Variants in C7orf78 observed in about 807,000 individuals in gnomAD.
The protein encoded by C7orf78 is putative uncharacterized protein C7orf78.
chr7:12,513,535 T>A, the C7orf78 span, among the ~76,000 whole-genome samples: 1 of 152,214 alleles, frequency 6.6e-6, no homozygotes, highest in Admixed American at 6.5e-5. Context: ...TTTTGTTTAG[T>A]TTCCATGTAT....
chr7:12,510,414 T>C, the C7orf78 span, among the ~76,000 whole-genome samples: 1 of 152,182 alleles, frequency 6.6e-6, no homozygotes, highest in Non-Finnish European at 1.5e-5. Context: ...CAAACTTCTT[T>C]TCCTTTGGAA....
the C7orf78 span, among the ~76,000 whole-genome samples, chr7:12,537,712 T>G: frequency 6.6e-6 from 1 of 152,268 alleles, no homozygotes; most frequent in South Asian, 2.1e-4. Flanking sequence ...GTGATAACCT[T>G]TACATTAGAG....
the C7orf78 span, among the ~76,000 whole-genome samples, chr7:12,520,941 T>C: frequency 4.6e-5 from 7 of 152,316 alleles, no homozygotes; most frequent in Admixed American, 1.3e-4. Flanking sequence ...TCTTCTTCCT[T>C]AATATACTTC....
the C7orf78 span, among the ~76,000 whole-genome samples, chr7:12,503,095 A>C: frequency 1.8e-5 from 2 of 108,820 alleles, no homozygotes; most frequent in South Asian, 6.1e-4. Context: ...GGGTGGGGGT[A>C]GGGGGGAGGG....
At chr7:12,530,794 A>C in the C7orf78 span, among the ~76,000 whole-genome samples, 1 of 152,190 alleles carries the variant, frequency 6.6e-6, no homozygotes, top group Non-Finnish European at 1.5e-5. Flanking sequence ...TTGTAGAAAA[A>C]AATGTTGAGA....
chr7:12,537,583 A>T, the C7orf78 span, among the ~76,000 whole-genome samples: 2 of 152,228 alleles, frequency 1.3e-5, no homozygotes, highest in African/African-American at 4.8e-5. Context: ...TTGGATGTAT[A>T]CATACATATA....
chr7:12,533,641 A>G, the C7orf78 span, among the ~76,000 whole-genome samples: 2 of 150,368 alleles, frequency 1.3e-5, no homozygotes, highest in Admixed American at 1.3e-4. Context: ...CTCAGCCTCC[A>G]GAGTAGCTGG....
the C7orf78 span, among the ~76,000 whole-genome samples, chr7:12,534,978 G>GGAAGGAAA: frequency 1.6e-4 from 1 of 6,246 alleles, no homozygotes; most frequent in African/African-American, 6.7e-4. Context: ...AAGGAAGGAG[G>GGAAGGAAA]GAAGGAAGGA....
the C7orf78 span, among the ~76,000 whole-genome samples, chr7:12,509,958 C>G: frequency 0.17 from 26,192 of 150,322 alleles, 2,829 homozygotes; most frequent in African/African-American, 0.3. Context: ...CACTTGAACC[C>G]GGGAGGCAGA....
At chr7:12,536,623 T>G in the C7orf78 span, among the ~76,000 whole-genome samples, 2 of 152,196 alleles carry the variant, frequency 1.3e-5, no homozygotes, top group Non-Finnish European at 1.5e-5. Context: ...AACGCTTTTT[T>G]TCTTTTCTAT....
chr7:12,483,571 A>T, the C7orf78 span: 2 of 152,108 alleles, frequency 1.3e-5, no homozygotes. Flanking sequence ...CAAATCTTTC[A>T]TTCTGAGAAT....
the C7orf78 span, among the ~76,000 whole-genome samples, chr7:12,534,559 A>G: frequency 6.6e-6 from 1 of 152,322 alleles, no homozygotes; most frequent in East Asian, 1.9e-4. Flanking sequence ...CAGAGAGCTT[A>G]GAGAAAATAT....
the C7orf78 span, chr7:12,528,928 G>A: frequency 2.5e-6 from 1 of 398,436 alleles, no homozygotes; most frequent in African/African-American, 2.1e-5. Context: ...ACCGAAAGAT[G>A]ATAAACAGAA....
At chr7:12,531,241 A>C in the C7orf78 span, 10 of 392,870 alleles carry the variant, frequency 2.5e-5, no homozygotes, top group East Asian at 3.6e-4. Flanking sequence ...ATGGTGCTTA[A>C]CTGTTTTAAG....
At chr7:12,522,040 T>C in the C7orf78 span, among the ~76,000 whole-genome samples, 1 of 152,106 alleles carries the variant, frequency 6.6e-6, no homozygotes, top group Admixed American at 6.5e-5. Context: ...TTTCAACATA[T>C]ATGAAGAGTA....
the C7orf78 span, among the ~76,000 whole-genome samples, chr7:12,509,890 C>T: frequency 3.9e-5 from 6 of 151,942 alleles, no homozygotes; most frequent in Non-Finnish European, 5.9e-5. Flanking sequence ...AAAAATTAGC[C>T]GGGCGTGGTG....
the C7orf78 span, among the ~76,000 whole-genome samples, chr7:12,518,336 T>C: frequency 6.6e-6 from 1 of 152,124 alleles, no homozygotes; most frequent in African/African-American, 2.4e-5. Context: ...TTGAGCCAAT[T>C]ATCAGGCCTC....
the C7orf78 span, among the ~76,000 whole-genome samples, chr7:12,503,386 A>C: frequency 6.6e-6 from 1 of 152,100 alleles, no homozygotes; most frequent in Non-Finnish European, 1.5e-5. Flanking sequence ...TGTTTTAAAA[A>C]TAAAAGTGTT....
At chr7:12,498,216 G>A in the C7orf78 span, among the ~76,000 whole-genome samples, 4 of 151,992 alleles carry the variant, frequency 2.6e-5, no homozygotes, top group Admixed American at 6.6e-5. Flanking sequence ...CACCAGCAAC[G>A]GAACAAAGCT....
Sources: allele counts gnomAD v4.1 joint callset (sites outside exome capture counted in the v4.1 genomes callset), GRCh38; gene constraint gnomAD v4.1.1; transcripts MANE v1.5; gene names NCBI Gene and HGNC (gene_info 2026-07-23, HGNC 2026-07-21).